Variants in TUSC3 observed in about 807,000 individuals in gnomAD.
TUSC3 encodes tumor suppressor candidate 3, also known as dolichyl-diphosphooligosaccharide--protein glycosyltransferase subunit TUSC3.
A neutral mutation model predicts 44.8 loss-of-function variants in TUSC3; 45 were observed. That is an observed-to-expected ratio of 1.00 (90% confidence interval 0.79 to 1.29). The LOEUF is 1.29. Among genes scored for constraint, TUSC3 ranks in the 50% most tolerant of loss-of-function variants. The probability of loss-of-function intolerance (pLI) is 0.00; values close to 1 mark genes in which losing one functional copy is unlikely to be tolerated. For synonymous variants in TUSC3, 212 were observed against 152.9 expected (o/e 1.39, Z -2.85); for missense variants, 519 against 437.9 (o/e 1.19, Z -1.65).
At chr8:15,698,707 A>G (rs1349139945) in intron 6 of TUSC3, among the ~76,000 whole-genome samples, 2 of 152,192 alleles carry the variant, frequency 1.3e-5, no homozygotes, top group Admixed American at 1.3e-4. Flanking sequence ...GGTGAAAATG[A>G]AATGTTTTTT....
At chr8:15,712,080 T>TTGA (rs1809875842) in intron 6 of TUSC3, among the ~76,000 whole-genome samples, 1 of 152,000 alleles carries the variant, frequency 6.6e-6, no homozygotes, top group Admixed American at 6.6e-5. Context: ...TTTTCTAGGA[T>TTGA]TGAATATATC....
intron 5 of TUSC3, among the ~76,000 whole-genome samples, chr8:15,667,138 C>G: frequency 6.6e-6 from 1 of 151,522 alleles, no homozygotes; most frequent in Non-Finnish European, 1.5e-5. Flanking sequence ...CTCCTTAATC[C>G]AACTCAATAG....
intron 2 of TUSC3, among the ~76,000 whole-genome samples, chr8:15,504,611 ATATATATATAT>A (rs1186811023): frequency 1.9e-3 from 42 of 22,300 alleles, no homozygotes; most frequent in African/African-American, 3.4e-3. Context: ...ATATATATAT[ATATATATATAT>A]TTTTTTTTTT....
chr8:15,663,454 T>G (rs539661369), intron 5 of TUSC3, among the ~76,000 whole-genome samples: 59 of 151,772 alleles, frequency 3.9e-4, no homozygotes, highest in Non-Finnish European at 6.9e-4. Flanking sequence ...ACCAAAAAAT[T>G]AGGGGTCTTG....
At chr8:15,798,528 A>G in the TUSC3 span, among the ~76,000 whole-genome samples, 1 of 152,096 alleles carries the variant, frequency 6.6e-6, no homozygotes, top group Non-Finnish European at 1.5e-5. Flanking sequence ...ACAGAGAAAG[A>G]GGGAAGCTCT....
chr8:15,650,894 A>C (rs1806872375), intron 3 of TUSC3, 80 bp downstream of exon 3: 1 of 1,442,928 alleles, frequency 6.9e-7, no homozygotes. Flanking sequence ...TAAAAATACA[A>C]TTCATTCATC....
At chr8:15,516,029 A>G (rs552289203) in intron 2 of TUSC3, among the ~76,000 whole-genome samples, 65 of 152,242 alleles carry the variant, frequency 4.3e-4, no homozygotes, top group African/African-American at 1.5e-3. Flanking sequence ...AGAATTTTCT[A>G]TTGTGTGAAA....
the TUSC3 span, among the ~76,000 whole-genome samples, chr8:15,774,925 A>G: frequency 6.6e-6 from 1 of 152,166 alleles, no homozygotes; most frequent in Non-Finnish European, 1.5e-5. Context: ...TAGTTCTTTA[A>G]TGAATTAAAC....
chr8:15,504,562 T>G (rs535712527), intron 2 of TUSC3, among the ~76,000 whole-genome samples: 1 of 134,728 alleles, frequency 7.4e-6, no homozygotes, highest in Admixed American at 8.0e-5. Context: ...TTAATCCTAT[T>G]AAAGGCAACT....
At chr8:15,611,454 T>C (rs2129159012) in intron 1 of TUSC3, among the ~76,000 whole-genome samples, 1 of 152,334 alleles carries the variant, frequency 6.6e-6, no homozygotes, top group East Asian at 1.9e-4. Context: ...CCCAAAGTGC[T>C]GGGATTACAG....
rs536612000 is a variant in TUSC3, at chr8:15,443,803, A to G, written n.91+26498A>G. ...TAAGCTGCTCCAGGATTAGTGCTTAAGATACTTTGCAGACCCTGCAGTTGA... is the reference window on the plus strand; with the variant it reads ...TAAGCTGCTCCAGGATTAGTGCTTAGGATACTTTGCAGACCCTGCAGTTGA... On this transcript the variant is annotated intron_variant and non_coding_transcript_variant, in intron 1 of 5. Transcript: ENST00000503191. 3.9e-5 allele frequency among the ~76,000 whole-genome samples: 6 copies of G among 152,284 alleles called. 1 individual carries two copies. The highest frequency in any genetic ancestry group is 1.4e-4 in the African/African-American group (6 of 41,570).
At chr8:15,762,974 G>A (rs1172774710) in intron 10 of TUSC3, among the ~76,000 whole-genome samples, 2 of 151,976 alleles carry the variant, frequency 1.3e-5, no homozygotes, top group African/African-American at 2.4e-5. Flanking sequence ...TAGAGGCGAC[G>A]TCTCATTGCA....
chr8:15,606,473 T>C (rs1563130182), intron 1 of TUSC3, among the ~76,000 whole-genome samples: 2 of 152,046 alleles, frequency 1.3e-5, no homozygotes, highest in Non-Finnish European at 2.9e-5. Flanking sequence ...TGGGTGCCCC[T>C]AACCTTCCCA....
At chr8:15,603,278 C>T (rs1417385239) in intron 1 of TUSC3, among the ~76,000 whole-genome samples, 3 of 151,688 alleles carry the variant, frequency 2.0e-5, no homozygotes, top group Non-Finnish European at 4.4e-5. Flanking sequence ...TGTCATTAAA[C>T]ATCATGGATA....
intron 6 of TUSC3, among the ~76,000 whole-genome samples, chr8:15,728,332 T>C (rs1374830264): frequency 6.6e-6 from 1 of 152,080 alleles, no homozygotes; most frequent in African/African-American, 2.4e-5. Flanking sequence ...CAGACAAATC[T>C]TTGGGCCTTA....
intron 1 of TUSC3, among the ~76,000 whole-genome samples, chr8:15,450,741 G>T (rs1800187317): frequency 6.6e-6 from 1 of 152,142 alleles, no homozygotes; most frequent in Non-Finnish European, 1.5e-5. Flanking sequence ...TAGTAACACA[G>T]AAGTTCTACT....
intron 1 of TUSC3, among the ~76,000 whole-genome samples, chr8:15,432,417 T>C (rs945920683): frequency 2.6e-5 from 4 of 152,202 alleles, no homozygotes; most frequent in African/African-American, 9.6e-5. Context: ...TTTCACATTC[T>C]GTCTACTTTA....
Position 15,605,098 on chromosome 8 carries a change from T to C in TUSC3, c.139-17982T>C, listed in dbSNP as rs6996818. On this transcript the variant is annotated intron_variant, in intron 1 of 10. Coordinates refer to ENST00000503731, the MANE Select transcript of TUSC3 (RefSeq NM_006765.4). ...AGTAGTGACTGTGGAAGTTAGAATATAATGAAACATCCTCATTTTCTCAAA... is the reference window on the plus strand; with the variant it reads ...AGTAGTGACTGTGGAAGTTAGAATACAATGAAACATCCTCATTTTCTCAAA... 2.6e-3 allele frequency among the ~76,000 whole-genome samples: 396 copies of C among 151,976 alleles called. 1 individual carries two copies. Among genetic ancestry groups the C allele is most frequent in the African/African-American group, 8.4e-3 (348 of 41,504 alleles).
intron 1 of TUSC3, among the ~76,000 whole-genome samples, chr8:15,475,080 C>G (rs1800557699): frequency 6.6e-6 from 1 of 152,120 alleles, no homozygotes; most frequent in African/African-American, 2.4e-5. Context: ...CCCCTTTATA[C>G]ACAGTTTGCT....
Sources: gnomAD v4.1 joint callset for allele counts (sites outside exome capture counted in the v4.1 genomes callset) on GRCh38, gnomAD v4.1.1 for gene constraint, MANE v1.5 for transcripts, NCBI Gene and HGNC (gene_info 2026-07-23, HGNC 2026-07-21) for gene names.